Variants in ANXA5 observed in about 807,000 individuals in gnomAD.
ANXA5 encodes the protein CBP-I.
Under a neutral mutation model 48.1 loss-of-function variants are expected in ANXA5, and 40 were observed. That is an observed-to-expected ratio of 0.83 (90% confidence interval 0.65 to 1.08). The LOEUF is 1.08. Among genes scored for constraint, ANXA5 ranks in the 50% least tolerant of loss-of-function variants. The pLI is 0.00. For synonymous variants in ANXA5, 113 were observed against 129.1 expected (o/e 0.88, Z 0.85); for missense variants, 357 against 376.8 (o/e 0.95, Z 0.44).
At chr4:121,668,855 C>T (rs1369855373) in intron 12 of ANXA5, among the ~76,000 whole-genome samples, 4 of 152,028 alleles carry the variant, frequency 2.6e-5, no homozygotes, top group African/African-American at 9.6e-5. Flanking sequence ...GCTCTCCCTC[C>T]GAGACAGAAG....
intron 2 of ANXA5, among the ~76,000 whole-genome samples, chr4:121,687,688 G>T (rs1724916553): frequency 6.6e-6 from 1 of 152,156 alleles, no homozygotes; most frequent in African/African-American, 2.4e-5. Flanking sequence ...CTTCCCCAGG[G>T]CATAGTGTCA....
chr4:121,695,870 C>G (rs1052082855), intron 2 of ANXA5, among the ~76,000 whole-genome samples: 2 of 151,322 alleles, frequency 1.3e-5, no homozygotes, highest in Non-Finnish European at 2.9e-5. Context: ...TCACTGGACT[C>G]CAGCCTGGGC....
In ANXA5 at chr4:121,668,380, G is replaced by T; in HGVS notation, c.*88C>A. 3 of 1,135,724 alleles carry T rather than the reference G, an allele frequency of 2.6e-6. No individual in the cohort carries two copies. The highest frequency in any genetic ancestry group is 4.0e-6 in the Non-Finnish European group (3 of 746,828). The allele number at this position is 1,135,724 out of a possible 1,614,324, so 70.4% of individuals were successfully genotyped here. On this transcript the variant is annotated 3_prime_UTR_variant, in exon 13 of 13. Transcript: ENST00000296511. Reference sequence around the variant, plus strand: ...TAGTATGAATAAGGCAATGTGTTAAGCACTGGCATACAAATGCAGCTAAAG... The same window carrying T: ...TAGTATGAATAAGGCAATGTGTTAATCACTGGCATACAAATGCAGCTAAAG...
chr4:121,684,855 T>C, intron 3 of ANXA5, 84 bp from the exon 4 acceptor site: 3 of 1,042,226 alleles, frequency 2.9e-6, no homozygotes, highest in Non-Finnish European at 4.4e-6. Context: ...CCCAGTCACC[T>C]TATTTCCTTG....
chr4:121,683,327 T>C (rs1724823547), intron 5 of ANXA5, 37 bp downstream of exon 5: 4 of 1,245,814 alleles, frequency 3.2e-6, no homozygotes, highest in Non-Finnish European at 4.5e-6. Context: ...AATAATACTA[T>C]CTATGCAAGA....
intron 5 of ANXA5, among the ~76,000 whole-genome samples, chr4:121,682,679 A>G (rs1179981759): frequency 6.6e-6 from 1 of 151,890 alleles, no homozygotes; most frequent in Non-Finnish European, 1.5e-5. Flanking sequence ...TCCTCTCTCC[A>G]CTCCATCAGT....
Position 121,688,775 on chromosome 4 carries a change from G to A in ANXA5, c.10-2403C>T, listed in dbSNP as rs141689673. On this transcript the variant is annotated intron_variant, in intron 2 of 12. Transcript: ENST00000296511. ...GAAAAAGAGGTGTTTCCAGGTTGATGTCCCAGCCCCAGGTTGTTGAAAGCA... is the reference window on the plus strand; with the variant it reads ...GAAAAAGAGGTGTTTCCAGGTTGATATCCCAGCCCCAGGTTGTTGAAAGCA... Among the ~76,000 whole-genome samples the A allele has an allele frequency of 4.8e-3, 727 of 152,258 alleles. 7 individuals are homozygous for A. The highest frequency in any genetic ancestry group is 0.017 in the Middle Eastern group (5 of 294).
chr4:121,690,487 T>C (rs920435326), intron 2 of ANXA5, among the ~76,000 whole-genome samples: 8 of 152,102 alleles, frequency 5.3e-5, no homozygotes, highest in African/African-American at 1.9e-4. Flanking sequence ...TTTAACAGTC[T>C]GGCTATAGGA....
chr4:121,677,348 G>A (rs775888121), intron 8 of ANXA5, among the ~76,000 whole-genome samples: 12 of 152,084 alleles, frequency 7.9e-5, no homozygotes, highest in Non-Finnish European at 1.8e-4. Flanking sequence ...TAACCAGACT[G>A]AGACTTTATA....
chr4:121,685,145 C>A (rs1368122307), intron 3 of ANXA5, among the ~76,000 whole-genome samples: 1 of 151,300 alleles, frequency 6.6e-6, no homozygotes, highest in African/African-American at 2.4e-5. Context: ...TAAAAATTTA[C>A]AATATATAAA....
rs989585178 is a variant in ANXA5 at position 121,696,897 on chromosome 4, G to C, written c.-70C>G. ...GGGACCCAAGTGCCCCGAAACCCCG[G>C]GAGAGCGGCGGAGAGCCGGGCGACG... On this transcript the variant is annotated 5_prime_UTR_variant, in exon 1 of 13. Transcript: ENST00000296511. 7.1e-5 allele frequency: 20 copies of C among 280,038 alleles called. No individual in the cohort carries two copies. Among genetic ancestry groups the C allele is most frequent in the Non-Finnish European group, 1.3e-4 (20 of 150,514 alleles). The allele number at this position is 280,038 out of a possible 1,614,324, so 17.3% of individuals were successfully genotyped here. A position where few individuals can be genotyped will look rare whatever the true frequency, so the allele number is the denominator to read the frequency against.
chr4:121,693,600 C>T (rs6830321), intron 2 of ANXA5, among the ~76,000 whole-genome samples: 66,552 of 152,036 alleles, frequency 0.44, 16,111 homozygotes, highest in East Asian at 0.73. Context: ...CCAAGGAGAA[C>T]TGGATATTAG....
Position 121,681,707 on chromosome 4 carries a change from C to T in ANXA5, c.358G>A (p.Glu120Lys). ...ACTTGTTTGATGGCTCTCAGTTCTT[C>T]AGGTGTCCTTGAAGCAATAATTTCT... is the stretch of plus-strand genomic sequence containing the variant. ...LTEIIASRTPEELRAIKQVYE... is the reference protein window; with the variant it reads ...LTEIIASRTPKELRAIKQVYE... Residue 120 changes from glutamate to lysine, a missense_variant, in exon 6 of 13, where the codon GAA becomes AAA. Coordinates refer to ENST00000296511, the MANE Select transcript of ANXA5 (RefSeq NM_001154.4). 6.2e-7 allele frequency: 1 copy of T among 1,612,934 alleles called. No individual in the cohort carries two copies. Among genetic ancestry groups the T allele is most frequent in the Non-Finnish European group, 8.5e-7 (1 of 1,179,244 alleles).
At chr4:121,676,189 AGGAGTACAACTCTGTAG>A (rs377157453) in intron 8 of ANXA5, among the ~76,000 whole-genome samples, 165 of 152,288 alleles carry the variant, frequency 1.1e-3, no homozygotes, top group African/African-American at 3.9e-3. Context: ...AGCCCCTAAC[AGGAGTACAACTCTGTAG>A]GGTTGCTCTA....
chr4:121,683,448 T>C lies in ANXA5; in HGVS notation c.219A>G (p.Leu73=), dbSNP rs1231246863. 2 of 1,610,712 alleles carry C rather than the reference T, an allele frequency of 1.2e-6. No homozygotes were observed. The highest frequency in any genetic ancestry group is 4.5e-5 in the East Asian group (2 of 44,728). Residue 73 remains leucine, a synonymous_variant, in exon 5 of 13, where the codon CTA becomes CTG. Transcript: ENST00000296511. ...CAATTAATTTTTCAAATTTTCCAGT[T>C]AGTTCTGATTTCAGGTCATCCAGAA... The part of the protein sequence containing the change: ...RDLLDDLKSE[L]TGKFEKLIVA...
intron 6 of ANXA5, among the ~76,000 whole-genome samples, chr4:121,679,180 G>A (rs748509062): frequency 6.6e-6 from 1 of 152,172 alleles, no homozygotes; most frequent in Non-Finnish European, 1.5e-5. Context: ...TTAAAAGCCT[G>A]AAACTTCTAT....
intron 2 of ANXA5, among the ~76,000 whole-genome samples, chr4:121,690,558 T>C (rs1410929491): frequency 6.6e-6 from 1 of 152,104 alleles, no homozygotes; most frequent in Non-Finnish European, 1.5e-5. Context: ...CAAAGCAGGC[T>C]TTTAAAAACA....
At chr4:121,689,762 C>T (rs1724950288) in intron 2 of ANXA5, among the ~76,000 whole-genome samples, 1 of 152,152 alleles carries the variant, frequency 6.6e-6, no homozygotes. Flanking sequence ...AGAACAATGT[C>T]AACTCTGCAC....
chr4:121,690,262 C>T (rs1458164684), intron 2 of ANXA5, among the ~76,000 whole-genome samples: 6 of 152,176 alleles, frequency 3.9e-5, no homozygotes, highest in Admixed American at 6.5e-5. Flanking sequence ...CTTGAAGCCA[C>T]AGGACCTTGG....
Sources: gnomAD v4.1 joint callset for allele counts (sites outside exome capture counted in the v4.1 genomes callset) on GRCh38, gnomAD v4.1.1 for gene constraint, MANE v1.5 for transcripts, NCBI Gene and HGNC (gene_info 2026-07-23, HGNC 2026-07-21) for gene names.